Variants in RPS24 observed in about 807,000 individuals in gnomAD.
RPS24 encodes the protein ribosomal protein S24.
For missense variants in RPS24, 100 were observed against 162.5 expected, an observed-to-expected ratio of 0.62 and a Z score of 2.09; for synonymous variants, 72 against 55.6, an observed-to-expected ratio of 1.30 and a Z score of -1.31.
chr10:78,049,895 C>T (rs1848082384), intron 4 of RPS24, among the ~76,000 whole-genome samples: 1 of 152,182 alleles, frequency 6.6e-6, no homozygotes, highest in Non-Finnish European at 1.5e-5. Context: ...TGTTCCAGCT[C>T]AGGCAGATGT....
rs185722293 is a variant in RPS24 at position 78,033,894 on chromosome 10, T to G, written c.-8T>G. ...TCCTCCTTGGCTGTCTGAAGATAGA[T>G]CGCCATCATGGTGAGTCTCCCTGGG... On this transcript the variant is annotated 5_prime_UTR_variant, in exon 1 of 6. Coordinates refer to ENST00000372360, the MANE Select transcript of RPS24 (RefSeq NM_033022.4). The G allele has an allele frequency of 7.7e-4, 1,243 of 1,614,106 alleles. 20 individuals are homozygous for G. In the East Asian group the frequency reaches 0.02, roughly 26 times the overall value.
chr10:78,034,414 A>T (rs1314605521), intron 1 of RPS24: 1 of 181,900 alleles, frequency 5.5e-6, no homozygotes, highest in Non-Finnish European at 1.2e-5. Flanking sequence ...AAGAGATGTT[A>T]TAAAAAGGTA....
chr10:78,053,186 CAA>C (rs57899265), intron 4 of RPS24, among the ~76,000 whole-genome samples: 1 of 140,966 alleles, frequency 7.1e-6, no homozygotes. Context: ...ACAACAACAA[CAA>C]AAAAAAAAAA....
At chr10:78,047,377 C>A (rs1397089826) in intron 4 of RPS24, among the ~76,000 whole-genome samples, 1 of 152,078 alleles carries the variant, frequency 6.6e-6, no homozygotes, top group African/African-American at 2.4e-5. Flanking sequence ...CTGTGGAGAC[C>A]CGGTAGGACA....
chr10:78,037,479 AAC>A, intron 4 of RPS24, 175 bp downstream of exon 4: 1 of 1,082,810 alleles, frequency 9.2e-7, no homozygotes, highest in South Asian at 1.7e-5. Context: ...ATAGTGTCTT[AAC>A]ACCTCAGTAA....
intron 3 of RPS24, among the ~76,000 whole-genome samples, chr10:78,036,798 G>C (rs181867572): frequency 6.6e-6 from 1 of 152,284 alleles, no homozygotes; most frequent in East Asian, 1.9e-4. Flanking sequence ...TCCATGATGT[G>C]GGGGTTGTAA....
At chr10:78,038,056 G>GTCCAAAGGCCAACAT in intron 4 of RPS24, 1 of 972,936 alleles carries the variant, frequency 1.0e-6, no homozygotes, top group Non-Finnish European at 1.4e-6. Flanking sequence ...TTTGCATGTT[G>GTCCAAAGGCCAACAT]GCCTTTGGAC....
At chr10:78,035,211 G>A (rs1015361115) in intron 1 of RPS24, 141 bp from the exon 2 acceptor site, 26 of 801,968 alleles carry the variant, frequency 3.2e-5, no homozygotes, top group Non-Finnish European at 5.6e-5. Context: ...GTTTGGCCTT[G>A]CCCAGTGGGT....
chr10:78,040,620 G>A lies in RPS24; in HGVS notation c.*25G>A, dbSNP rs771792783. 2.3e-5 allele frequency: 37 copies of A among 1,613,542 alleles called. No individual in the cohort carries two copies. Among genetic ancestry groups the A allele is most frequent in the Non-Finnish European group, 1.7e-6 (2 of 1,179,526 alleles). ...TTCTTTCTCTTGATTCACAGCCGAA[G>A]GAGTAAAGGTGCTGCAATGATGTTA... On this transcript the variant is annotated 3_prime_UTR_variant, in exon 6 of 6. Transcript: ENST00000372360.
chr10:78,034,552 A>G (rs1007966009), intron 1 of RPS24: 2 of 153,484 alleles, frequency 1.3e-5, no homozygotes, highest in African/African-American at 4.8e-5. Context: ...ACGTGGATTT[A>G]ATTTGGTGTG....
At chr10:78,037,601 T>G in intron 4 of RPS24, 1 of 378,660 alleles carries the variant, frequency 2.6e-6, no homozygotes, top group Middle Eastern at 8.3e-4. Context: ...AGTTTTAATT[T>G]TACTAATTGG....
chr10:78,036,693 G>A (rs981309581), intron 3 of RPS24, among the ~76,000 whole-genome samples: 3 of 152,180 alleles, frequency 2.0e-5, no homozygotes, highest in Non-Finnish European at 1.5e-5. Flanking sequence ...TAAAGATTTG[G>A]AAGTAGTCTT....
chr10:78,037,562 G>A (rs1589328626), intron 4 of RPS24: 1 of 486,036 alleles, frequency 2.1e-6, no homozygotes, highest in East Asian at 4.1e-5. Flanking sequence ...GATCCCAGCT[G>A]GTGGGCACCT....
Position 78,037,595 on chromosome 10 carries a change from T to A in RPS24, c.390+291T>A, listed in dbSNP as rs958393195. On this transcript the variant is annotated intron_variant, in intron 4 of 5. Transcript: ENST00000372360. ...CCTTTCAAGCCTATCACAAGAAGTTTTAATTTTACTAATTGGCATAGAACC... is the reference window on the plus strand; with the variant it reads ...CCTTTCAAGCCTATCACAAGAAGTTATAATTTTACTAATTGGCATAGAACC... 10 of 389,300 alleles carry A rather than the reference T, an allele frequency of 2.6e-5. No individual in the cohort carries two copies. In the Admixed American group the frequency reaches 3.3e-4, roughly 13 times the overall value. The allele number at this position is 389,300 out of a possible 1,614,324, so 24.1% of individuals were successfully genotyped here.
chr10:78,042,133 AC>A (rs1222166149), downstream of RPS24, among the ~76,000 whole-genome samples: 2 of 152,262 alleles, frequency 1.3e-5, no homozygotes, highest in Non-Finnish European at 2.9e-5. Flanking sequence ...CTCTTGAAAT[AC>A]CAGAAGCAGC....
At chr10:78,034,124 C>A in intron 1 of RPS24, 1 of 589,040 alleles carries the variant, frequency 1.7e-6, no homozygotes, top group Non-Finnish European at 3.1e-6. Flanking sequence ...GGCTCCAGCG[C>A]CTGGGCAGTG....
At chr10:78,044,960 GT>G (rs1474636383), downstream of RPS24, among the ~76,000 whole-genome samples, 1 of 151,812 alleles carries the variant, frequency 6.6e-6, no homozygotes, top group Non-Finnish European at 1.5e-5. Context: ...TATGTAGAAG[GT>G]TATGGGTCGA....
chr10:78,040,184 C>T lies in RPS24; in HGVS notation c.391-20C>T, dbSNP rs1255068310. On this transcript the variant is annotated intron_variant, in intron 4 of 5. Coordinates refer to ENST00000372360, the MANE Select transcript of RPS24 (RefSeq NM_033022.4). ...TCTTTTCCCTCCTTTCTCTTTTTCC[C>T]TTCCCCGCCACTGATTCAGTGAGCT... 5 of 1,612,360 alleles carry T rather than the reference C, an allele frequency of 3.1e-6. No individual in the cohort carries two copies. Among genetic ancestry groups the T allele is most frequent in the Non-Finnish European group, 4.2e-6 (5 of 1,178,698 alleles).
chr10:78,042,609 C>G (rs1240384807), downstream of RPS24, among the ~76,000 whole-genome samples: 1 of 152,198 alleles, frequency 6.6e-6, no homozygotes, highest in Non-Finnish European at 1.5e-5. Context: ...CCATAAAATG[C>G]AAACTTGACT....
Sources: gnomAD v4.1 joint callset for allele counts (sites outside exome capture counted in the v4.1 genomes callset) on GRCh38, gnomAD v4.1.1 for gene constraint, MANE v1.5 for transcripts, NCBI Gene and HGNC (gene_info 2026-07-23, HGNC 2026-07-21) for gene names.